PLB1: variants seen among roughly 807,000 people sequenced by gnomAD.
The protein encoded by PLB1 is phospholipase B1, membrane-associated.
Under a neutral mutation model 227.4 loss-of-function variants are expected in PLB1, and 242 were observed. The observed-to-expected ratio is 1.06, with a 90% CI of 0.96 to 1.18. The LOEUF (loss-of-function observed/expected upper bound fraction) is 1.18. PLB1 is among the 50% of genes most tolerant of loss of function. PLB1 has a pLI of 0.00. For synonymous variants in PLB1, 757 were observed against 682.2 expected (o/e 1.11, Z -1.71); for missense variants, 1,858 against 1,816.3 (o/e 1.02, Z -0.42).
intron 25 of PLB1, among the ~76,000 whole-genome samples, chr2:28,584,455 A>G (rs1680568422): frequency 6.6e-6 from 1 of 152,204 alleles, no homozygotes; most frequent in East Asian, 1.9e-4. Flanking sequence ...TTCTCCAGTC[A>G]CTGGGCCACA....
chr2:28,638,274 G>A (rs1024304318), intron 56 of PLB1, among the ~76,000 whole-genome samples: 8 of 152,062 alleles, frequency 5.3e-5, no homozygotes, highest in African/African-American at 1.9e-4. Context: ...ACAGTGAATT[G>A]AGAAGCGCAT....
intron 1 of PLB1, among the ~76,000 whole-genome samples, chr2:28,506,587 T>G (rs1667662015): frequency 1.3e-5 from 2 of 152,204 alleles, no homozygotes; most frequent in African/African-American, 4.8e-5. Flanking sequence ...ATTTTACATT[T>G]ACAAAAACTA....
chr2:28,566,537 C>T (rs1380914082), intron 19 of PLB1: 1 of 488,970 alleles, frequency 2.0e-6, no homozygotes, highest in African/African-American at 1.9e-5. Flanking sequence ...AGGAACCAAC[C>T]TACCTCCCCT....
rs1329238102 is a variant in PLB1 at position 28,589,110 on chromosome 2, A to AGCCAAGATCGCGCCATTGCACTCC, written c.1816-339_1816-316dup. ...AACCCGGGAGGCGGAGGTTGCAGTG[A>AGCCAAGATCGCGCCATTGCACTCC]GCCAAGATCGCGCCATTGCACTCCA... On this transcript the variant is annotated intron_variant, in intron 26 of 57. Coordinates refer to ENST00000327757, the MANE Select transcript of PLB1 (RefSeq NM_153021.5). Among the ~76,000 whole-genome samples the AGCCAAGATCGCGCCATTGCACTCC allele has an allele frequency of 2.0e-5, 3 of 152,184 alleles. No individual in the cohort carries two copies. In the East Asian group the frequency reaches 5.8e-4, roughly 29 times the overall value.
At chr2:28,591,052 C>T in intron 29 of PLB1, 81 bp from the exon 30 acceptor site, 1 of 1,570,482 alleles carries the variant, frequency 6.4e-7, no homozygotes, top group Middle Eastern at 1.7e-4. Context: ...CTGTTTGTGC[C>T]AGGCCGACAC....
At chr2:28,602,089 C>A in intron 38 of PLB1, 125 bp downstream of exon 38, 1 of 922,040 alleles carries the variant, frequency 1.1e-6, no homozygotes, top group Non-Finnish European at 1.7e-6. Flanking sequence ...TGGACTCCTT[C>A]CCTTTTCAGA....
At chr2:28,557,954 C>T (rs1473326890) in intron 17 of PLB1, among the ~76,000 whole-genome samples, 1 of 152,208 alleles carries the variant, frequency 6.6e-6, no homozygotes, top group African/African-American at 2.4e-5. Flanking sequence ...TCCTCCCACC[C>T]AGGTTTGCTT....
intron 56 of PLB1, among the ~76,000 whole-genome samples, chr2:28,640,663 T>C (rs1220336175): frequency 6.6e-6 from 1 of 152,210 alleles, no homozygotes; most frequent in Admixed American, 6.5e-5. Context: ...CTCCTGGGCC[T>C]TGCTGTACCC....
chr2:28,515,010 C>T (rs537279010), intron 1 of PLB1, among the ~76,000 whole-genome samples: 6 of 152,118 alleles, frequency 3.9e-5, no homozygotes, highest in South Asian at 2.1e-4. Flanking sequence ...CCTTTTGGGG[C>T]CTCAGTTTTC....
At chr2:28,574,020 G>A (rs767677555) in intron 21 of PLB1, among the ~76,000 whole-genome samples, 2 of 152,218 alleles carry the variant, frequency 1.3e-5, no homozygotes, top group Non-Finnish European at 2.9e-5. Context: ...CGGTCCCCAA[G>A]AGTGGGCAGG....
chr2:28,602,878 G>T lies in PLB1; in HGVS notation c.2731G>T (p.Val911Leu). The part of the protein sequence containing the change: ...DFLNPTIMRQ[V>L]FLGNPDKCPV... ...CCTGAACCCCACTATCATGCGGCAG[G>T]TGTTCCTGGGAAACCCAGACAAGTG... The change falls in exon 39 of 58, where the codon GTG (valine) becomes TTG (leucine). Residue 911 changes from valine (V) to leucine (L), a missense_variant. By Grantham distance (32) the Val-to-Leu change is conservative. Coordinates refer to ENST00000327757, the MANE Select transcript of PLB1 (RefSeq NM_153021.5). 6.2e-7 allele frequency: 1 copy of T among 1,614,200 alleles called. No homozygotes were observed. Among genetic ancestry groups the T allele is most frequent in the South Asian group, 1.1e-5 (1 of 91,092 alleles).
intron 9 of PLB1, among the ~76,000 whole-genome samples, chr2:28,533,791 A>G (rs1367301406): frequency 6.6e-6 from 1 of 152,202 alleles, no homozygotes; most frequent in Non-Finnish European, 1.5e-5. Flanking sequence ...AAACATTCCT[A>G]CATAAATTCT....
intron 14 of PLB1, among the ~76,000 whole-genome samples, chr2:28,544,579 T>TTCA (rs1291322187): frequency 1.3e-5 from 2 of 152,166 alleles, no homozygotes; most frequent in Middle Eastern, 3.4e-3. Flanking sequence ...AGGCTTCAGG[T>TTCA]GTAGCTGGGA....
intron 23 of PLB1, among the ~76,000 whole-genome samples, chr2:28,580,340 G>T (rs1010512914): frequency 6.6e-6 from 1 of 152,206 alleles, no homozygotes; most frequent in Non-Finnish European, 1.5e-5. Flanking sequence ...CACTGCCAGC[G>T]GAGAGAGAGA....
Position 28,598,040 on chromosome 2 carries a change from C to T in PLB1, c.2357C>T (p.Thr786Ile). The change falls in exon 34 of 58, where the codon ACC (threonine) becomes ATC (isoleucine). Residue 786 changes from threonine to isoleucine, a missense_variant. Transcript: ENST00000327757. ...GGDGSLENVT[T>I]LPNILREFNR... ...GACGGCTCCCTGGAGAATGTGACCA[C>T]CTTACCTAGTAAGTAACCATCAGGG... 1 of 1,612,852 alleles carries T rather than the reference C, an allele frequency of 6.2e-7. No homozygotes were observed. The highest frequency in any genetic ancestry group is 8.5e-7 in the Non-Finnish European group (1 of 1,179,120).
chr2:28,521,095 G>A (rs914082054), intron 4 of PLB1, among the ~76,000 whole-genome samples: 2 of 152,216 alleles, frequency 1.3e-5, no homozygotes, highest in African/African-American at 4.8e-5. Context: ...TCATCCATAT[G>A]CCAGATTTCC....
chr2:28,567,726 C>T (rs1006259375), intron 20 of PLB1, among the ~76,000 whole-genome samples: 2 of 152,134 alleles, frequency 1.3e-5, no homozygotes, highest in Admixed American at 6.5e-5. Context: ...CCCGCCTTGG[C>T]CTCCCAAAGT....
intron 6 of PLB1, 135 bp from the exon 7 acceptor site, chr2:28,529,182 T>C (rs548564210): frequency 8.6e-5 from 54 of 626,216 alleles, no homozygotes; most frequent in Non-Finnish European, 5.4e-5. Context: ...TGGGCTCAAG[T>C]GATCCTCCTG....
chr2:28,612,076 G>A (rs1685530082), intron 43 of PLB1, among the ~76,000 whole-genome samples: 1 of 152,186 alleles, frequency 6.6e-6, no homozygotes. Context: ...AACCCAGAAG[G>A]CAGAGTTTGC....
Sources: allele counts gnomAD v4.1 joint callset (sites outside exome capture counted in the v4.1 genomes callset), GRCh38; gene constraint gnomAD v4.1.1; transcripts MANE v1.5; gene names NCBI Gene and HGNC (gene_info 2026-07-23, HGNC 2026-07-21).